Variants in BCAS3 observed in about 807,000 individuals in gnomAD.
BCAS3 encodes the protein BCAS4/BCAS3 fusion.
In BCAS3, 53 loss-of-function variants were observed where a neutral mutation model predicts 116.1. The ratio of observed to expected loss-of-function variants is 0.46; its 90% CI spans 0.37 to 0.57. The LOEUF (loss-of-function observed/expected upper bound fraction) is 0.57, where lower values mean the gene tolerates loss of function less well. Ranked by LOEUF, BCAS3 falls within the 20% of genes least tolerant of loss-of-function variation. The probability of loss-of-function intolerance (pLI) is 0.00; values close to 1 mark genes in which losing one functional copy is unlikely to be tolerated. For missense variants in BCAS3, 917 were observed against 1,165.4 expected (o/e 0.79, Z 3.10); for synonymous variants, 391 against 408.2 (o/e 0.96, Z 0.51).
chr17:61,129,252 A>C (rs1484521286), intron 22 of BCAS3, among the ~76,000 whole-genome samples: 2 of 152,226 alleles, frequency 1.3e-5, no homozygotes, highest in African/African-American at 4.8e-5. Flanking sequence ...AATTTCTTTG[A>C]AGTAGAGGAA....
intron 13 of BCAS3, among the ~76,000 whole-genome samples, chr17:60,937,473 T>C (rs1347565433): frequency 6.6e-6 from 1 of 152,208 alleles, no homozygotes; most frequent in Non-Finnish European, 1.5e-5. Context: ...TTACGTAATA[T>C]AAGTTGCACC....
chr17:61,006,751 G>A (rs1284086430), intron 15 of BCAS3, among the ~76,000 whole-genome samples: 1 of 152,012 alleles, frequency 6.6e-6, no homozygotes, highest in Non-Finnish European at 1.5e-5. Context: ...GGGAAATTTT[G>A]AGGGTGCTTT....
intron 6 of BCAS3, among the ~76,000 whole-genome samples, chr17:60,781,923 A>G (rs2045870608): frequency 1.3e-5 from 2 of 152,018 alleles, no homozygotes; most frequent in Non-Finnish European, 2.9e-5. Context: ...ATTCTCTGTC[A>G]TTTATCTCTT....
rs1404918891 is a variant in BCAS3, at chr17:61,082,972, A to G, written c.2328-1495A>G. Among the ~76,000 whole-genome samples the G allele has an allele frequency of 2.0e-5, 3 of 152,188 alleles. No individual in the cohort carries two copies. The highest frequency in any genetic ancestry group is 4.8e-5 in the African/African-American group (2 of 41,444). On this transcript the variant is annotated intron_variant, in intron 21 of 23. Coordinates refer to ENST00000407086, the MANE Select transcript of BCAS3 (RefSeq NM_017679.5). This position sits in a 1 kb window ranked among gnomAD's most constrained non-coding sequence, Gnocchi z 5.1. ...ATACTTGGCATTTCAGGCTTCTGTC[A>G]TCTGTCCCATGTTTCTTATCAACTT...
Position 61,021,194 on chromosome 17 carries a change from T to C in BCAS3, c.1637+5293T>C, listed in dbSNP as rs963388334. 5.9e-5 allele frequency among the ~76,000 whole-genome samples: 9 copies of C among 152,144 alleles called. No homozygotes were observed. Among genetic ancestry groups the C allele is most frequent in the African/African-American group, 1.9e-4 (8 of 41,414 alleles). ...CCTCAGCCTCCCGAGTAGCTGGGAC[T>C]ACAAGTGGGTGTGTGCCACCATGCC... On this transcript the variant is annotated intron_variant, in intron 16 of 23. Coordinates refer to ENST00000407086, the MANE Select transcript of BCAS3 (RefSeq NM_017679.5). This position sits in a 1 kb window ranked among gnomAD's most constrained non-coding sequence, Gnocchi z 4.6.
intron 12 of BCAS3, among the ~76,000 whole-genome samples, chr17:60,916,486 G>A (rs1252729162): frequency 1.3e-5 from 2 of 152,168 alleles, no homozygotes; most frequent in East Asian, 3.9e-4. Flanking sequence ...AGTTTTCCAA[G>A]GAAATGACAA....
rs894525252 is a variant in BCAS3, at chr17:61,332,843, T to C, written c.2426-35484T>C. On this transcript the variant is annotated intron_variant, in intron 22 of 23. Coordinates refer to ENST00000407086, the MANE Select transcript of BCAS3 (RefSeq NM_017679.5). The surrounding 1 kb of genome is among the most constrained non-coding windows in gnomAD (Gnocchi z 5.4). Reference sequence around the variant, plus strand: ...GTTAGCCAGGCTGGTCTCAAACTCCTGACCTCAGGTGATCTGCCCGCCTTG... The same window carrying C: ...GTTAGCCAGGCTGGTCTCAAACTCCCGACCTCAGGTGATCTGCCCGCCTTG... 2.6e-5 allele frequency among the ~76,000 whole-genome samples: 4 copies of C among 152,192 alleles called. No homozygotes were observed. Among genetic ancestry groups the C allele is most frequent in the African/African-American group, 9.7e-5 (4 of 41,442 alleles).
At chr17:61,329,754 AG>A (rs1182481684) in intron 22 of BCAS3, among the ~76,000 whole-genome samples, 1 of 151,660 alleles carries the variant, frequency 6.6e-6, no homozygotes, top group Admixed American at 6.6e-5. Flanking sequence ...GGTGAGGAGG[AG>A]GAAAAGGGGT....
chr17:60,959,328 G>A (rs1048452201), intron 14 of BCAS3, among the ~76,000 whole-genome samples: 2 of 151,542 alleles, frequency 1.3e-5, no homozygotes, highest in Non-Finnish European at 2.9e-5. Context: ...TTTTTTTTTG[G>A]TTTTGTTTTT....
intron 22 of BCAS3, among the ~76,000 whole-genome samples, chr17:61,107,082 CTTT>C (rs755754824): frequency 9.4e-6 from 1 of 106,386 alleles, no homozygotes; most frequent in Non-Finnish European, 1.7e-5. Flanking sequence ...ACTAGGCTTA[CTTT>C]TTTTTTTTTT....
In BCAS3 at chr17:61,281,148, A is replaced by T. The variant is rs989622383; in HGVS notation, c.2426-87179A>T. On this transcript the variant is annotated intron_variant, in intron 22 of 23. Coordinates refer to ENST00000407086, the MANE Select transcript of BCAS3 (RefSeq NM_017679.5). This position sits in a 1 kb window ranked among gnomAD's most constrained non-coding sequence, Gnocchi z 4.2. ...ATGCACACTCTTTCCATATATCAAT[A>T]CATCTTGGAGATTTTTCCTTTTTTA... Among the ~76,000 whole-genome samples the T allele has an allele frequency of 3.3e-5, 5 of 152,220 alleles. No homozygotes were observed. Among genetic ancestry groups the T allele is most frequent in the Non-Finnish European group, 7.3e-5 (5 of 68,040 alleles).
intron 22 of BCAS3, among the ~76,000 whole-genome samples, chr17:61,111,457 A>C (rs372508920): frequency 8.7e-5 from 13 of 149,684 alleles, no homozygotes; most frequent in African/African-American, 3.2e-4. Context: ...CTCAGGAGCC[A>C]ATGCGATCAA....
chr17:60,971,122 G>A (rs2061934993), intron 14 of BCAS3, among the ~76,000 whole-genome samples: 1 of 152,186 alleles, frequency 6.6e-6, no homozygotes, highest in Non-Finnish European at 1.5e-5. Flanking sequence ...CCTTGGCTGT[G>A]AGTGATCCAG....
intron 7 of BCAS3, among the ~76,000 whole-genome samples, chr17:60,815,861 T>A (rs1041765238): frequency 6.6e-6 from 1 of 152,230 alleles, no homozygotes; most frequent in African/African-American, 2.4e-5. Context: ...TCTTTATTTC[T>A]TTCTTGGTAT....
At chr17:60,702,663 C>T (rs1002651388) in intron 4 of BCAS3, among the ~76,000 whole-genome samples, 2 of 152,130 alleles carry the variant, frequency 1.3e-5, no homozygotes, top group African/African-American at 4.8e-5. Context: ...AGTCTCAGCT[C>T]AGTGCAGCCT....
intron 7 of BCAS3, among the ~76,000 whole-genome samples, chr17:60,861,605 C>T (rs890640058): frequency 6.6e-6 from 1 of 151,864 alleles, no homozygotes; most frequent in Non-Finnish European, 1.5e-5. Context: ...TTTGCCTGTT[C>T]GGTATCGTGT....
At chr17:61,049,409 T>G (rs1363763859) in intron 19 of BCAS3, among the ~76,000 whole-genome samples, 3 of 151,470 alleles carry the variant, frequency 2.0e-5, no homozygotes, top group African/African-American at 7.3e-5. Context: ...AGAAAGAAAA[T>G]AACTTAAAAA....
rs2079924357 is a variant in BCAS3 at position 61,188,773 on chromosome 17, C to T, written c.2425+104209C>T. ...AATATGTTAAACCTATGATAAGATACAGATTAAAAATCAACTGGATTTCAA... is the reference window on the plus strand; with the variant it reads ...AATATGTTAAACCTATGATAAGATATAGATTAAAAATCAACTGGATTTCAA... On this transcript the variant is annotated intron_variant, in intron 22 of 23. Transcript: ENST00000407086. The surrounding 1 kb of genome is among the most constrained non-coding windows in gnomAD (Gnocchi z 4.0). Among the ~76,000 whole-genome samples the T allele has an allele frequency of 6.6e-6, 1 of 152,144 alleles. No individual in the cohort carries two copies. Among genetic ancestry groups the T allele is most frequent in the East Asian group, 1.9e-4 (1 of 5,198 alleles).
chr17:61,287,639 T>A (rs2051960004), intron 22 of BCAS3, among the ~76,000 whole-genome samples: 1 of 151,964 alleles, frequency 6.6e-6, no homozygotes, highest in South Asian at 2.1e-4. Flanking sequence ...GGCAGGAGGA[T>A]CACTTGAGCC....
Sources: gnomAD v4.1 joint callset for allele counts (sites outside exome capture counted in the v4.1 genomes callset) on GRCh38, gnomAD v4.1.1 for gene constraint, Gnocchi (gnomAD v3.1) non-coding constraint, MANE v1.5 for transcripts, NCBI Gene and HGNC (gene_info 2026-07-23, HGNC 2026-07-21) for gene names.